The following STAB2 variants were observed in gnomAD, a reference collection of about 807,000 sequenced individuals.
The protein encoded by STAB2 is stabilin 2.
Under a neutral mutation model 338.1 loss-of-function variants are expected in STAB2, and 288 were observed. That is an observed-to-expected ratio of 0.85 (90% CI 0.77 to 0.94). The LOEUF (loss-of-function observed/expected upper bound fraction) is 0.94. Among genes scored for constraint, STAB2 ranks in the 40% least tolerant of loss-of-function variants. STAB2 has a pLI of 0.00. For missense variants in STAB2, 3,141 were observed against 3,210.1 expected (o/e 0.98, Z 0.52); for synonymous variants, 1,202 against 1,193.3 (o/e 1.01, Z -0.15).
At position 103,594,396 on chromosome 12, in the gene STAB2, T is replaced by A; in HGVS notation, c.217T>A (p.Tyr73Asn). The A allele has an allele frequency of 6.2e-7, 1 of 1,613,370 alleles. No homozygotes were observed. The highest frequency in any genetic ancestry group is 8.5e-7 in the Non-Finnish European group (1 of 1,179,356). The change falls in exon 3 of 69, where the codon TAC becomes AAC. Residue 73 changes from tyrosine (Y) to asparagine (N), a missense_variant and splice_region_variant. Coordinates refer to ENST00000388887, the MANE Select transcript of STAB2 (RefSeq NM_017564.10). ...SGSVGVRDCR[Y>N]TFEVRTYSLS... is the part of the protein sequence containing the mutation. ...AATGTCCTCTCTTTACCCTCCAAGG[T>A]ACACCTTTGAGGTCAGAACATACTC...
chr12:103,735,417 T>G, intron 51 of STAB2, 74 bp from the exon 52 acceptor site: 1 of 1,129,646 alleles, frequency 8.9e-7, no homozygotes, highest in Non-Finnish European at 1.2e-6. Flanking sequence ...TTTGGTTTTT[T>G]GGTAAAGCTC....
intron 9 of STAB2, among the ~76,000 whole-genome samples, chr12:103,642,889 G>A (rs1268559553): frequency 6.6e-6 from 1 of 152,206 alleles, no homozygotes; most frequent in African/African-American, 2.4e-5. Flanking sequence ...CATAGCAGGT[G>A]CAGATAAGCC....
chr12:103,765,097 A>C (rs1430816322), intron 68 of STAB2, among the ~76,000 whole-genome samples: 2 of 151,584 alleles, frequency 1.3e-5, no homozygotes, highest in African/African-American at 4.8e-5. Flanking sequence ...AAAAAAAAAA[A>C]AAAAAAAAAA....
intron 65 of STAB2, 23 bp from the exon 66 acceptor site, chr12:103,761,277 C>T: frequency 6.2e-7 from 1 of 1,608,764 alleles, no homozygotes; most frequent in Non-Finnish European, 8.5e-7. Context: ...TAAAAGCCAT[C>T]AACCCTCTTC....
At chr12:103,690,837 A>G (rs1478640074) in intron 30 of STAB2, among the ~76,000 whole-genome samples, 1 of 152,182 alleles carries the variant, frequency 6.6e-6, no homozygotes, top group Non-Finnish European at 1.5e-5. Flanking sequence ...CAATTCCACA[A>G]CTTTTCTTTT....
chr12:103,756,584 C>T (rs920860535), intron 63 of STAB2, among the ~76,000 whole-genome samples: 1 of 152,188 alleles, frequency 6.6e-6, no homozygotes, highest in Non-Finnish European at 1.5e-5. Flanking sequence ...AAGGACACAG[C>T]CTAACTCATC....
At chr12:103,743,023 CTT>C (rs34478982) in intron 56 of STAB2, among the ~76,000 whole-genome samples, 12 of 134,718 alleles carry the variant, frequency 8.9e-5, no homozygotes, top group Middle Eastern at 3.6e-3. Flanking sequence ...ATTTTTTTTT[CTT>C]TTTTTTTTTT....
intron 1 of STAB2, among the ~76,000 whole-genome samples, chr12:103,589,587 T>G (rs1451163469): frequency 6.6e-6 from 1 of 152,146 alleles, no homozygotes; most frequent in Non-Finnish European, 1.5e-5. Context: ...AAGAATCAGG[T>G]GTCTTTTAAT....
intron 30 of STAB2, 49 bp from the exon 31 acceptor site, chr12:103,692,763 A>G (rs935505888): frequency 6.7e-7 from 1 of 1,500,444 alleles, no homozygotes; most frequent in East Asian, 2.3e-5. Flanking sequence ...CTCAATCCCA[A>G]GGTGCGCTCT....
intron 3 of STAB2, among the ~76,000 whole-genome samples, chr12:103,605,821 C>T (rs2086244): frequency 0.32 from 48,815 of 151,622 alleles, 10,006 homozygotes; most frequent in African/African-American, 0.58. Context: ...GTGCTTTTTT[C>T]TCTCCTTTAC....
chr12:103,665,815 C>T (rs1875037862), intron 18 of STAB2, among the ~76,000 whole-genome samples: 1 of 152,172 alleles, frequency 6.6e-6, no homozygotes, highest in South Asian at 2.1e-4. Context: ...CACCCTGAAC[C>T]AGTAGAGGAG....
chr12:103,642,779 A>C (rs1462190793), intron 9 of STAB2, among the ~76,000 whole-genome samples: 2 of 152,192 alleles, frequency 1.3e-5, no homozygotes, highest in East Asian at 3.8e-4. Flanking sequence ...CACTCGGGGT[A>C]CTCAGAAGCC....
chr12:103,699,131 G>A lies in STAB2; in HGVS notation c.3618G>A (p.Glu1206=). The change falls in exon 34 of 69, where the codon GAG becomes GAA. Residue 1206 remains glutamate, a synonymous_variant. Transcript: ENST00000388887. ...TCCTCCGGTATCATGTGGTCCTGGAGGAGAAACTCCTGAAGAATGACCTGC... is the reference window on the plus strand; with the variant it reads ...TCCTCCGGTATCATGTGGTCCTGGAAGAGAAACTCCTGAAGAATGACCTGC... ...EDVLRYHVVL[E]EKLLKNDLHN... The A allele has an allele frequency of 6.2e-7, 1 of 1,612,530 alleles. No individual in the cohort carries two copies. Among genetic ancestry groups the A allele is most frequent in the Non-Finnish European group, 8.5e-7 (1 of 1,178,844 alleles).
At chr12:103,765,350 G>GCAAAAACATTC (rs1409298479) in intron 68 of STAB2, among the ~76,000 whole-genome samples, 4 of 152,136 alleles carry the variant, frequency 2.6e-5, no homozygotes, top group African/African-American at 9.7e-5. Flanking sequence ...AGACTACATG[G>GCAAAAACATTC]CAAAAACATT....
At chr12:103,663,110 C>T (rs1395150937) in intron 18 of STAB2, 112 bp downstream of exon 18, 1 of 1,381,008 alleles carries the variant, frequency 7.2e-7, no homozygotes, top group African/African-American at 1.4e-5. Context: ...CTTCCAGAAC[C>T]TTGTCCCCAA....
chr12:103,682,939 C>T (rs1234871898), intron 25 of STAB2, among the ~76,000 whole-genome samples: 1 of 134,488 alleles, frequency 7.4e-6, no homozygotes, highest in Non-Finnish European at 1.6e-5. Context: ...CAGAGTGAGA[C>T]TCCATCTCAA....
In STAB2 at chr12:103,762,365, G is replaced by A. The variant is rs778288826; in HGVS notation, c.7451G>A (p.Arg2484Gln). ...GCCTTGGCTGCTTACTCCTACTTTC[G>A]GATAAACCGGAGAACAATCGGCTTC... ...AVALAAYSYF[R>Q]INRRTIGFQH... Residue 2484 changes from arginine (R) to glutamine (Q), a missense_variant, in exon 67 of 69, where the codon CGG becomes CAG. Physicochemically the swap from Arg to Gln is conservative, Grantham distance 43. Coordinates refer to ENST00000388887, the MANE Select transcript of STAB2 (RefSeq NM_017564.10). 26 of 1,614,022 alleles carry A rather than the reference G, an allele frequency of 1.6e-5. No individual in the cohort carries two copies. The East Asian group carries it at 2.9e-4, about 18-fold the overall frequency.
At chr12:103,615,592 G>T (rs937763097) in intron 3 of STAB2, among the ~76,000 whole-genome samples, 1 of 152,144 alleles carries the variant, frequency 6.6e-6, no homozygotes, top group African/African-American at 2.4e-5. Flanking sequence ...AGATCTAAGA[G>T]GTGCTTGTTA....
chr12:103,695,879 T>C (rs374703990), intron 33 of STAB2, 35 bp downstream of exon 33: 95 of 1,597,228 alleles, frequency 5.9e-5, no homozygotes, highest in South Asian at 1.7e-4. Context: ...GGAAGTTATT[T>C]TGTGAAAATT....
Sources: allele counts gnomAD v4.1 joint callset (sites outside exome capture counted in the v4.1 genomes callset), GRCh38; gene constraint gnomAD v4.1.1; transcripts MANE v1.5; gene names NCBI Gene and HGNC (gene_info 2026-07-23, HGNC 2026-07-21).